AFTPH: variants seen among roughly 807,000 people sequenced by gnomAD.
The protein encoded by AFTPH is aftiphilin protein.
Under a neutral mutation model 72.5 loss-of-function variants are expected in AFTPH, and 7 were observed. That is an observed-to-expected ratio of 0.10 (90% CI 0.05 to 0.18). The LOEUF (loss-of-function observed/expected upper bound fraction) is 0.18. AFTPH is among the 10% of genes least tolerant of loss of function. The probability of loss-of-function intolerance (pLI) is 1.00; values close to 1 mark genes in which losing one functional copy is unlikely to be tolerated. For synonymous variants in AFTPH, 337 were observed against 370.1 expected (o/e 0.91, Z 1.03); for missense variants, 979 against 1,060.5 (o/e 0.92, Z 1.07).
chr2:64,532,740 A>C (rs1250281505), intron 1 of AFTPH, among the ~76,000 whole-genome samples: 1 of 152,196 alleles, frequency 6.6e-6, no homozygotes, highest in Non-Finnish European at 1.5e-5. Flanking sequence ...GGCTGTAAAG[A>C]TGAATCTGAG....
intron 1 of AFTPH, among the ~76,000 whole-genome samples, chr2:64,530,417 C>A (rs1669561274): frequency 6.6e-6 from 1 of 151,922 alleles, no homozygotes; most frequent in Admixed American, 6.6e-5. Context: ...TATGTTTTTC[C>A]AGTTATTAAA....
chr2:64,591,515 G>C lies in AFTPH; in HGVS notation c.2580-370G>C, dbSNP rs1022904164. ...GGAGGGGCAGGGAAAAACCCAGTTA[G>C]GTGGAGTGTTACTAAGGCTTCAGAT... On this transcript the variant is annotated intron_variant, in intron 8 of 8. Transcript: ENST00000238856. Among the ~76,000 whole-genome samples the C allele has an allele frequency of 2.6e-5, 4 of 152,216 alleles. No individual in the cohort carries two copies. The South Asian group carries it at 8.3e-4, about 32-fold the overall frequency.
At chr2:64,573,432 T>TAA (rs57001495) in intron 6 of AFTPH, among the ~76,000 whole-genome samples, 226 of 140,508 alleles carry the variant, frequency 1.6e-3, no homozygotes, top group South Asian at 3.8e-3. Context: ...GTGCTGGGTT[T>TAA]AAAAAAAAAA....
intron 6 of AFTPH, among the ~76,000 whole-genome samples, chr2:64,576,088 CACACA>C (rs1558626849): frequency 8.0e-5 from 8 of 99,752 alleles, no homozygotes; most frequent in Non-Finnish European, 1.3e-4. Context: ...CACACACACA[CACACA>C]CACACACACA....
intron 1 of AFTPH, among the ~76,000 whole-genome samples, chr2:64,544,403 A>G (rs1670436475): frequency 6.6e-6 from 1 of 152,230 alleles, no homozygotes; most frequent in South Asian, 2.1e-4. Flanking sequence ...AAAAATGGCA[A>G]GTTACACACA....
At chr2:64,589,001 A>G (rs1385513196) in intron 8 of AFTPH, among the ~76,000 whole-genome samples, 8 of 152,182 alleles carry the variant, frequency 5.3e-5, no homozygotes, top group Non-Finnish European at 1.0e-4. Flanking sequence ...ATCTTTTCCA[A>G]TTCTGCAGGT....
chr2:64,527,659 T>A (rs1669361024), intron 1 of AFTPH, among the ~76,000 whole-genome samples: 1 of 152,214 alleles, frequency 6.6e-6, no homozygotes, highest in Non-Finnish European at 1.5e-5. Context: ...TTCAGCATTG[T>A]ATATTTAAAA....
Position 64,571,953 on chromosome 2 carries a change from C to T in AFTPH, c.2272-993C>T, listed in dbSNP as rs140288369. On this transcript the variant is annotated intron_variant, in intron 5 of 8. Coordinates refer to ENST00000238856, the Ensembl canonical transcript of AFTPH. ...ATATTAGGCCGGGCGTGGTGGCTCA[C>T]GCCTGTAATCCTAGCACTTTGGGAG... Among the ~76,000 whole-genome samples the T allele has an allele frequency of 7.2e-3, 1,090 of 152,184 alleles. 21 individuals are homozygous for T. Among genetic ancestry groups the T allele is most frequent in the African/African-American group, 0.025 (1,045 of 41,498 alleles).
At chr2:64,531,038 G>A (rs1027353171) in intron 1 of AFTPH, among the ~76,000 whole-genome samples, 2 of 140,122 alleles carry the variant, frequency 1.4e-5, no homozygotes, top group South Asian at 2.4e-4. Context: ...CTCCAGTCTG[G>A]GTGACAGAGT....
exon 2 of AFTPH, chr2:64,552,217 T>C: frequency 6.2e-7 from 1 of 1,613,818 alleles, no homozygotes; most frequent in South Asian, 1.1e-5. Context: ...TTAGAAGAAA[T>C]AGAATGTGCA....
At chr2:64,543,071 A>G (rs968311358) in intron 1 of AFTPH, among the ~76,000 whole-genome samples, 3 of 152,256 alleles carry the variant, frequency 2.0e-5, no homozygotes, top group East Asian at 1.9e-4. Flanking sequence ...TGTGGAGAGA[A>G]TAATTTTAAT....
At chr2:64,526,204 GTA>G (rs1446544863) in intron 1 of AFTPH, among the ~76,000 whole-genome samples, 14 of 152,306 alleles carry the variant, frequency 9.2e-5, no homozygotes. Context: ...TATGAAAATT[GTA>G]TAGTGTGGGT....
chr2:64,529,789 C>T (rs1410020741), intron 1 of AFTPH, among the ~76,000 whole-genome samples: 3 of 152,050 alleles, frequency 2.0e-5, no homozygotes, highest in Non-Finnish European at 4.4e-5. Flanking sequence ...ACCACCATGC[C>T]TGGCTAATTG....
chr2:64,535,183 G>C (rs928792084), intron 1 of AFTPH, among the ~76,000 whole-genome samples: 12 of 152,280 alleles, frequency 7.9e-5, no homozygotes, highest in African/African-American at 2.9e-4. Flanking sequence ...TAGCAGTTCA[G>C]TTTAGAAACA....
chr2:64,551,616 G>T, exon 2 of AFTPH: 13 of 1,613,918 alleles, frequency 8.1e-6, no homozygotes, highest in Non-Finnish European at 1.1e-5. Flanking sequence ...TGTTGATTTC[G>T]ATACACCAGA....
At chr2:64,570,339 A>C in intron 5 of AFTPH, among the ~76,000 whole-genome samples, 1 of 152,200 alleles carries the variant, frequency 6.6e-6, no homozygotes, top group South Asian at 2.1e-4. Context: ...ATAACCGTTA[A>C]ATTGGAAATA....
At chr2:64,526,137 A>T (rs1669249731) in intron 1 of AFTPH, among the ~76,000 whole-genome samples, 1 of 152,240 alleles carries the variant, frequency 6.6e-6, no homozygotes, top group Admixed American at 6.5e-5. Context: ...CCCGTATCAC[A>T]ACAAGGATAA....
chr2:64,524,917 G>A (rs921133475), intron 1 of AFTPH, among the ~76,000 whole-genome samples: 1 of 152,254 alleles, frequency 6.6e-6, no homozygotes, highest in Non-Finnish European at 1.5e-5. Context: ...CTGCCCCTTT[G>A]CTTCCACCTC....
rs1202364021 is a variant in AFTPH, at chr2:64,551,587, G to C, written c.113G>C (p.Ser38Thr). Residue 38 changes from serine (S) to threonine (T), a missense_variant, in exon 2 of 9, where the codon AGC becomes ACC. By Grantham distance (58) the Ser-to-Thr change is moderately conservative (BLOSUM62 1). Coordinates refer to ENST00000238856, the Ensembl canonical transcript of AFTPH. ...GAATTTGGTGGGTTTTCAGAAGTTA[G>C]CCCTTCTGGTGTAGGGTTTGTTGAT... 3 of 1,614,088 alleles carry C rather than the reference G, an allele frequency of 1.9e-6. No individual in the cohort carries two copies. In the Admixed American group the frequency reaches 5.0e-5, roughly 27 times the overall value.
Sources: allele counts gnomAD v4.1 joint callset (sites outside exome capture counted in the v4.1 genomes callset), GRCh38; gene constraint gnomAD v4.1.1; transcripts MANE v1.5; gene names NCBI Gene and HGNC (gene_info 2026-07-23, HGNC 2026-07-21).